The following USP32 variants were observed in gnomAD, a reference collection of about 807,000 sequenced individuals.
The protein encoded by USP32 is ubiquitin specific peptidase 32.
Under a neutral mutation model 204.8 loss-of-function variants are expected in USP32, and 59 were observed. The observed-to-expected ratio is 0.29, with a 90% confidence interval of 0.23 to 0.36. USP32 has a LOEUF of 0.36. Ranked by LOEUF, USP32 falls within the 10% of genes least tolerant of loss-of-function variation. The pLI is 1.00. For missense variants in USP32, 1,160 were observed against 1,946.4 expected (o/e 0.60, Z 7.60); for synonymous variants, 517 against 678.4 (o/e 0.76, Z 3.70).
intron 26 of USP32, 42 bp from the exon 27 acceptor site, chr17:60,198,486 C>T (rs1206518569): frequency 6.2e-7 from 1 of 1,601,436 alleles, no homozygotes; most frequent in East Asian, 2.2e-5. Context: ...AGAAGACAGG[C>T]CTCTGATTCC....
At chr17:60,272,468 G>C (rs1004986241) in intron 5 of USP32, among the ~76,000 whole-genome samples, 26 of 152,130 alleles carry the variant, frequency 1.7e-4, no homozygotes, top group Admixed American at 1.4e-3. Flanking sequence ...AGCGTACATA[G>C]GACATTTATT....
Position 60,217,327 on chromosome 17 carries a change from A to G in USP32, c.1867+2343T>C, listed in dbSNP as rs34249441. On this transcript the variant is annotated intron_variant, in intron 16 of 33. Transcript: ENST00000300896. ...ATATATTTTTTTGAGACAGAGTCTC[A>G]CTCTGTTGCCCAGAATAGAGTGCAT... Among the ~76,000 whole-genome samples, 138 of 152,046 alleles carry G rather than the reference A, an allele frequency of 9.1e-4. 1 individual carries two copies. The highest frequency in any genetic ancestry group is 3.1e-3 in the African/African-American group (127 of 41,396).
chr17:60,328,451 G>A (rs1250315023), intron 2 of USP32, among the ~76,000 whole-genome samples: 1 of 152,198 alleles, frequency 6.6e-6, no homozygotes, highest in Non-Finnish European at 1.5e-5. Context: ...GAGAGGAGCT[G>A]CCCACTGCAG....
intron 28 of USP32, 38 bp from the exon 29 acceptor site, chr17:60,190,721 T>G (rs758124731): frequency 6.4e-7 from 1 of 1,572,326 alleles, no homozygotes; most frequent in South Asian, 1.2e-5. Context: ...GAAGAAATAA[T>G]TATGAAGGAA....
At chr17:60,342,707 C>G (rs1181146273) in intron 2 of USP32, among the ~76,000 whole-genome samples, 1 of 152,250 alleles carries the variant, frequency 6.6e-6, no homozygotes, top group African/African-American at 2.4e-5. Context: ...GTGAGCAAGG[C>G]TCCGTGGGCA....
At chr17:60,194,471 ATG>A (rs1256985837) in intron 27 of USP32, among the ~76,000 whole-genome samples, 3 of 152,180 alleles carry the variant, frequency 2.0e-5, no homozygotes, top group Non-Finnish European at 4.4e-5. Flanking sequence ...TCTTTGTAGC[ATG>A]TGCTACTGAA....
At chr17:60,401,330 A>G (rs1174681887) in intron 1 of USP32, among the ~76,000 whole-genome samples, 1 of 152,142 alleles carries the variant, frequency 6.6e-6, no homozygotes, top group Admixed American at 6.6e-5. Flanking sequence ...AGATCGCGCC[A>G]CTGCACTCCA....
intron 11 of USP32, 55 bp from the exon 12 acceptor site, chr17:60,236,295 C>T (rs1356057010): frequency 1.5e-5 from 21 of 1,434,398 alleles, no homozygotes; most frequent in East Asian, 6.9e-5. Flanking sequence ...TAGGTGGCAA[C>T]GCACAAAAAT....
chr17:60,392,703 A>G (rs2089863632), upstream of USP32: 3 of 431,398 alleles, frequency 7.0e-6, no homozygotes, highest in African/African-American at 4.1e-5. Flanking sequence ...TGTGAAAGGA[A>G]AGGAGAATCT....
intron 4 of USP32, among the ~76,000 whole-genome samples, chr17:60,293,417 A>T (rs2087338046): frequency 6.6e-6 from 1 of 152,204 alleles, no homozygotes; most frequent in African/African-American, 2.4e-5. Context: ...AAATTTTATT[A>T]TGGGGGAAAA....
intron 3 of USP32, among the ~76,000 whole-genome samples, chr17:60,298,653 C>G (rs2087498902): frequency 6.6e-6 from 1 of 152,098 alleles, no homozygotes; most frequent in Non-Finnish European, 1.5e-5. Context: ...CATACCTGTC[C>G]TGTATTTTTA....
In USP32 at chr17:60,223,444, A is replaced by T; in HGVS notation, c.1575T>A (p.Asp525Glu). The T allele has an allele frequency of 6.2e-7, 1 of 1,611,758 alleles. No homozygotes were observed. ...GTTCTTGAGTTACTAATGGCTGATT[A>T]TCAATAGCCCCTGGTTTCTGAGGGT... ...HLNPQKPGAI[D>E]NQPLVTQEPV... is the part of the protein sequence containing the mutation. Residue 525 changes from aspartate to glutamate, a missense_variant, in exon 14 of 34, where the codon GAT becomes GAA. Physicochemically the swap from Asp to Glu is conservative, Grantham distance 45. Transcript: ENST00000300896.
chr17:60,317,778 C>T (rs2088017945), intron 2 of USP32, among the ~76,000 whole-genome samples: 2 of 152,020 alleles, frequency 1.3e-5, no homozygotes, highest in Admixed American at 1.3e-4. Flanking sequence ...GCCTGGGCAA[C>T]ACAGTGAGAC....
In USP32 at chr17:60,252,859, T is replaced by A. The variant is rs190793738; in HGVS notation, c.1075-417A>T. ...TGTATCATTAACCTAACAAATTAACTCTATCAATTTTAAAACACAGATAGA... is the reference window on the plus strand; with the variant it reads ...TGTATCATTAACCTAACAAATTAACACTATCAATTTTAAAACACAGATAGA... On this transcript the variant is annotated intron_variant, in intron 10 of 33. Coordinates refer to ENST00000300896, the MANE Select transcript of USP32 (RefSeq NM_032582.4). Among the ~76,000 whole-genome samples the A allele has an allele frequency of 1.4e-3, 212 of 152,262 alleles. 1 individual carries two copies. Among genetic ancestry groups the A allele is most frequent in the African/African-American group, 4.8e-3 (199 of 41,554 alleles).
Position 60,183,107 on chromosome 17 carries a change from A to G in USP32, c.4123+58T>C, listed in dbSNP as rs1375665903. 5 of 1,515,720 alleles carry G rather than the reference A, an allele frequency of 3.3e-6. No homozygotes were observed. The African/African-American group carries it at 7.0e-5, about 21-fold the overall frequency. The allele number at this position is 1,515,720 out of a possible 1,614,324, so 93.9% of individuals were successfully genotyped here. On this transcript the variant is annotated intron_variant, in intron 31 of 33. Coordinates refer to ENST00000300896, the MANE Select transcript of USP32 (RefSeq NM_032582.4). ...ATGTTCCAGAACAGAAGACAGAGAA[A>G]CATATGTAGCCTACAGGAGTCCCAA...
At chr17:60,259,520 G>A (rs2086401360) in intron 9 of USP32, among the ~76,000 whole-genome samples, 1 of 152,138 alleles carries the variant, frequency 6.6e-6, no homozygotes, top group Admixed American at 6.5e-5. Flanking sequence ...TGCAGGGATA[G>A]GCTCTGGCCA....
chr17:60,206,251 A>T (rs1419461339), intron 25 of USP32, among the ~76,000 whole-genome samples: 1 of 145,014 alleles, frequency 6.9e-6, no homozygotes, highest in Non-Finnish European at 1.5e-5. Flanking sequence ...CATAAGGCAG[A>T]GTCTGCAGTG....
chr17:60,224,774 C>A (rs2085340525), intron 13 of USP32, among the ~76,000 whole-genome samples: 1 of 152,116 alleles, frequency 6.6e-6, no homozygotes, highest in Non-Finnish European at 1.5e-5. Flanking sequence ...CAGAGTGACA[C>A]CCTGTCTCTT....
At chr17:60,228,499 T>C (rs1223974308) in intron 12 of USP32, among the ~76,000 whole-genome samples, 4 of 141,780 alleles carry the variant, frequency 2.8e-5, no homozygotes, top group African/African-American at 8.8e-5. Context: ...TTTTTTCTTT[T>C]TCTTTTTTTT....
Sources: gnomAD v4.1 joint callset for allele counts (sites outside exome capture counted in the v4.1 genomes callset) on GRCh38, gnomAD v4.1.1 for gene constraint, MANE v1.5 for transcripts, NCBI Gene and HGNC (gene_info 2026-07-23, HGNC 2026-07-21) for gene names.